FNBP1L: variants seen among roughly 807,000 people sequenced by gnomAD.
The protein encoded by FNBP1L is formin binding protein 1 like.
A neutral mutation model predicts 91.2 loss-of-function variants in FNBP1L; 36 were observed. The observed-to-expected ratio is 0.39, with a 90% CI of 0.30 to 0.52. The LOEUF (loss-of-function observed/expected upper bound fraction) is 0.52. FNBP1L is among the 20% of genes least tolerant of loss of function. The pLI, the probability that FNBP1L is intolerant of heterozygous loss-of-function variation, is 0.66. For missense variants in FNBP1L, 571 were observed against 732.1 expected (o/e 0.78, Z 2.54); for synonymous variants, 242 against 237.0 (o/e 1.02, Z -0.19).
At chr1:93,535,597 T>C (rs1671821198) in intron 9 of FNBP1L, among the ~76,000 whole-genome samples, 1 of 152,108 alleles carries the variant, frequency 6.6e-6, no homozygotes, top group African/African-American at 2.4e-5. Context: ...TAAAGTATAC[T>C]TGATTATTTT....
In FNBP1L at chr1:93,471,836, C is replaced by G. The variant is rs1381846230; in HGVS notation, c.24+23531C>G. Among the ~76,000 whole-genome samples, 5 of 152,126 alleles carry G rather than the reference C, an allele frequency of 3.3e-5. No individual in the cohort carries two copies. In the East Asian group the frequency reaches 9.6e-4, roughly 29 times the overall value. On this transcript the variant is annotated intron_variant, in intron 1 of 16. Transcript: ENST00000271234. ...AGTCATTTGTTTTGTGTATTTTATACCTTTTAAACATCAGCAACAACTTTT... is the reference window on the plus strand; with the variant it reads ...AGTCATTTGTTTTGTGTATTTTATAGCTTTTAAACATCAGCAACAACTTTT...
At chr1:93,499,374 CAT>C (rs1325311008) in intron 1 of FNBP1L, 92 bp from the exon 2 acceptor site, 6 of 782,592 alleles carry the variant, frequency 7.7e-6, no homozygotes, top group Non-Finnish European at 1.1e-5. Context: ...TTTTATACCT[CAT>C]TGCTTCTCTG....
chr1:93,491,375 G>A (rs1670084488), intron 1 of FNBP1L, among the ~76,000 whole-genome samples: 1 of 151,604 alleles, frequency 6.6e-6, no homozygotes, highest in Non-Finnish European at 1.5e-5. Context: ...ACTAAAGAAA[G>A]GCTGAATGAC....
chr1:93,485,038 C>T (rs555501346), intron 1 of FNBP1L, among the ~76,000 whole-genome samples: 1 of 151,998 alleles, frequency 6.6e-6, no homozygotes, highest in African/African-American at 2.4e-5. Context: ...GTAGTCCCAG[C>T]TATTTGGAAG....
intron 1 of FNBP1L, among the ~76,000 whole-genome samples, chr1:93,476,197 A>G (rs188579594): frequency 5.7e-4 from 87 of 152,310 alleles, no homozygotes; most frequent in East Asian, 3.5e-3. Context: ...AACTGATTCT[A>G]TGTTCAATTA....
At position 93,533,011 on chromosome 1, in the gene FNBP1L, C is replaced by T; in HGVS notation, c.729C>T (p.Ile243=). The change falls in exon 8 of 17, where the codon ATC becomes ATT. Residue 243 remains isoleucine, a synonymous_variant. Coordinates refer to ENST00000271234, the MANE Select transcript of FNBP1L (RefSeq NM_001164473.3). ...FADSERKVIP[I]ISKCLEGMIL... ...ACTCAGAACGCAAAGTTATTCCCAT[C>T]ATTTCAAAATGTTTGGAAGGAATGA... The T allele has an allele frequency of 2.5e-6, 4 of 1,613,288 alleles. No homozygotes were observed. The highest frequency in any genetic ancestry group is 3.4e-6 in the Non-Finnish European group (4 of 1,179,530).
intron 1 of FNBP1L, among the ~76,000 whole-genome samples, chr1:93,483,262 A>T (rs534751137): frequency 2.6e-5 from 4 of 151,760 alleles, no homozygotes; most frequent in Admixed American, 1.3e-4. Context: ...CAAGTTTTCG[A>T]TGTTGAATAA....
chr1:93,467,213 C>T (rs995172296), intron 1 of FNBP1L, among the ~76,000 whole-genome samples: 1 of 152,068 alleles, frequency 6.6e-6, no homozygotes, highest in Non-Finnish European at 1.5e-5. Flanking sequence ...GCATTATTGA[C>T]AATAGCTAAA....
chr1:93,522,156 T>C, intron 3 of FNBP1L, 21 bp downstream of exon 3: 1 of 1,289,440 alleles, frequency 7.8e-7, no homozygotes. Flanking sequence ...TACCTGTTCA[T>C]TAATGCATAT....
chr1:93,522,566 C>T (rs1247496568), intron 3 of FNBP1L, among the ~76,000 whole-genome samples: 1 of 18,338 alleles, frequency 5.5e-5, no homozygotes, highest in Non-Finnish European at 2.1e-4. Flanking sequence ...TTAGAAATCA[C>T]TTATGAGTTT....
intron 3 of FNBP1L, among the ~76,000 whole-genome samples, chr1:93,523,010 GGAATCC>G (rs1671380425): frequency 1.3e-5 from 2 of 152,122 alleles, no homozygotes; most frequent in South Asian, 4.2e-4. Flanking sequence ...ACCAAGCCTA[GGAATCC>G]AACCAAGTTC....
chr1:93,479,137 T>C (rs1192756201), intron 1 of FNBP1L, among the ~76,000 whole-genome samples: 1 of 152,158 alleles, frequency 6.6e-6, no homozygotes, highest in Non-Finnish European at 1.5e-5. Flanking sequence ...GCTGGGCCGC[T>C]GGGGGTGACA....
intron 1 of FNBP1L, among the ~76,000 whole-genome samples, chr1:93,483,206 AAAAAAG>A (rs1438709296): frequency 9.2e-5 from 14 of 151,502 alleles, no homozygotes; most frequent in Admixed American, 2.0e-4. Flanking sequence ...AAAAAAAAAA[AAAAAAG>A]AAAGGAAAGC....
rs34287128 is a variant in FNBP1L at position 93,545,851 on chromosome 1, TAA to T, written c.1275-978_1275-977del. Reference sequence around the variant, plus strand: ...GAGAAGAGAAAACATGGAGGAAGCTTAAAAAAAAAAAAAAGATTTGTAGCTAT... The same window carrying T: ...GAGAAGAGAAAACATGGAGGAAGCTTAAAAAAAAAAAAGATTTGTAGCTAT... On this transcript the variant is annotated intron_variant, in intron 12 of 16. Coordinates refer to ENST00000271234, the MANE Select transcript of FNBP1L (RefSeq NM_001164473.3). Among the ~76,000 whole-genome samples, 440 of 146,436 alleles carry T rather than the reference TAA, an allele frequency of 3.0e-3. 2 individuals are homozygous for T. The highest frequency in any genetic ancestry group is 7.0e-3 in the Middle Eastern group (2 of 286).
chr1:93,539,967 T>C (rs1050877049), intron 10 of FNBP1L, among the ~76,000 whole-genome samples: 1 of 152,180 alleles, frequency 6.6e-6, no homozygotes, highest in Non-Finnish European at 1.5e-5. Context: ...ACATGTGATT[T>C]AGAAAATAGG....
rs777101873 is a variant in FNBP1L, at chr1:93,549,442, T to C, written c.1651+16T>C. On this transcript the variant is annotated intron_variant, in intron 15 of 16. Coordinates refer to ENST00000271234, the MANE Select transcript of FNBP1L (RefSeq NM_001164473.3). Reference sequence around the variant, plus strand: ...CCTTTTGATGGTATGATTTTCTTAATAATATTGTATGTAAAAAAATTGGTT... The same window carrying C: ...CCTTTTGATGGTATGATTTTCTTAACAATATTGTATGTAAAAAAATTGGTT... 6.5e-7 allele frequency: 1 copy of C among 1,533,958 alleles called. No homozygotes were observed. The highest frequency in any genetic ancestry group is 2.4e-5 in the East Asian group (1 of 42,312).
chr1:93,523,446 T>G lies in FNBP1L; in HGVS notation c.297T>G (p.Gly99=). The change falls in exon 4 of 17, where the codon GGT becomes GGG. Residue 99 remains glycine (G), a synonymous_variant. Transcript: ENST00000271234. Reference sequence around the variant, plus strand: ...AAGAAATGGCGCACAGAGTGTATGGTGAATTAATGAGATATGCTCATGATC... The same window carrying G: ...AAGAAATGGCGCACAGAGTGTATGGGGAATTAATGAGATATGCTCATGATC... ...VAEEMAHRVY[G]ELMRYAHDLK... 6.2e-7 allele frequency: 1 copy of G among 1,610,088 alleles called. No homozygotes were observed. The highest frequency in any genetic ancestry group is 8.5e-7 in the Non-Finnish European group (1 of 1,178,048).
chr1:93,450,709 T>G (rs576271439), intron 1 of FNBP1L, among the ~76,000 whole-genome samples: 76 of 152,374 alleles, frequency 5.0e-4, no homozygotes, highest in African/African-American at 1.8e-3. Flanking sequence ...TCTCCTATTA[T>G]TTCATATTTA....
chr1:93,509,203 T>C (rs1670733843), intron 2 of FNBP1L, among the ~76,000 whole-genome samples: 1 of 152,200 alleles, frequency 6.6e-6, no homozygotes, highest in African/African-American at 2.4e-5. Context: ...AACTAAACAT[T>C]TATTAACACT....
Sources: allele counts gnomAD v4.1 joint callset (sites outside exome capture counted in the v4.1 genomes callset), GRCh38; gene constraint gnomAD v4.1.1; transcripts MANE v1.5; gene names NCBI Gene and HGNC (gene_info 2026-07-23, HGNC 2026-07-21).